STK32B: variants seen among roughly 807,000 people sequenced by gnomAD.
The protein encoded by STK32B is serine/threonine-protein kinase 32B.
STK32B carries 43 observed loss-of-function variants against 52.6 expected under a neutral mutation model. The observed-to-expected ratio is 0.82, with a 90% CI of 0.64 to 1.05. STK32B has a LOEUF of 1.05. STK32B is among the 50% of genes least tolerant of loss of function. STK32B has a pLI of 0.00. For synonymous variants in STK32B, 238 were observed against 204.3 expected (o/e 1.17, Z -1.41); for missense variants, 621 against 534.6 (o/e 1.16, Z -1.59).
Position 5,168,333 on chromosome 4 carries a change from T to C in STK32B, c.143T>C (p.Met48Thr), listed in dbSNP as rs776205066. The change falls in exon 3 of 12, where the codon ATG becomes ACG. Residue 48 changes from methionine to threonine, a missense_variant. Physicochemically the swap from Met to Thr is moderately conservative, Grantham distance 81. Transcript: ENST00000282908. ...GTGCAGAAGCGAGACACTAAGAAAA[T>C]GTATGCAATGAAGTACATGAACAAG... Reference protein sequence around the residue: ...CIVQKRDTKKMYAMKYMNKQK... With the variant: ...CIVQKRDTKKTYAMKYMNKQK... 1 of 1,613,724 alleles carries C rather than the reference T, an allele frequency of 6.2e-7. No individual in the cohort carries two copies. The highest frequency in any genetic ancestry group is 8.5e-7 in the Non-Finnish European group (1 of 1,179,954).
intron 3 of STK32B, among the ~76,000 whole-genome samples, chr4:5,178,430 T>C (rs1357669729): frequency 6.6e-6 from 1 of 152,222 alleles, no homozygotes; most frequent in African/African-American, 2.4e-5. Flanking sequence ...TGGGAGGGGC[T>C]GCTGTGAAGG....
rs558806068 is a variant in STK32B at position 5,286,031 on chromosome 4, G to A, written c.261-45189G>A. ...AGAGACACAGAGGGAGGATCATTAT[G>A]TGGTGAGAAGACGGCCGTCTACAAG... On this transcript the variant is annotated intron_variant, in intron 3 of 11. Coordinates refer to ENST00000282908, the MANE Select transcript of STK32B (RefSeq NM_018401.3). 3.3e-5 allele frequency among the ~76,000 whole-genome samples: 5 copies of A among 152,206 alleles called. No individual in the cohort carries two copies. In the East Asian group the frequency reaches 9.7e-4, roughly 29 times the overall value.
intron 4 of STK32B, among the ~76,000 whole-genome samples, chr4:5,393,982 C>G (rs1560377728): frequency 6.6e-6 from 1 of 152,172 alleles, no homozygotes; most frequent in Non-Finnish European, 1.5e-5. Context: ...CTTAGTCTAG[C>G]TTTCCCCTCC....
intron 4 of STK32B, among the ~76,000 whole-genome samples, chr4:5,361,234 C>T (rs910466832): frequency 6.6e-6 from 1 of 152,178 alleles, no homozygotes; most frequent in Non-Finnish European, 1.5e-5. Flanking sequence ...GGACACTTGG[C>T]TTGCTCCCAC....
chr4:5,147,441 C>T (rs1410905977), intron 2 of STK32B, among the ~76,000 whole-genome samples: 2 of 152,042 alleles, frequency 1.3e-5, no homozygotes, highest in South Asian at 4.1e-4. Flanking sequence ...ATTGCAGTAG[C>T]TAAAACCCTC....
At chr4:5,301,239 T>A (rs1394563857) in intron 3 of STK32B, among the ~76,000 whole-genome samples, 1 of 152,052 alleles carries the variant, frequency 6.6e-6, no homozygotes, top group Non-Finnish European at 1.5e-5. Context: ...GTAGTTTTCT[T>A]TCTTATGATG....
chr4:5,383,998 C>T (rs1020784723), intron 4 of STK32B, among the ~76,000 whole-genome samples: 3 of 152,056 alleles, frequency 2.0e-5, no homozygotes, highest in African/African-American at 4.8e-5. Flanking sequence ...GGGAGCTGGG[C>T]GATCATCACA....
intron 3 of STK32B, among the ~76,000 whole-genome samples, chr4:5,197,544 T>C (rs1320701826): frequency 6.6e-6 from 1 of 152,236 alleles, no homozygotes; most frequent in Non-Finnish European, 1.5e-5. Flanking sequence ...CTTAGTTCCT[T>C]ATTTATCTCC....
At chr4:5,202,732 C>T (rs1722252856) in intron 3 of STK32B, among the ~76,000 whole-genome samples, 1 of 152,246 alleles carries the variant, frequency 6.6e-6, no homozygotes, top group South Asian at 2.1e-4. Context: ...TTGGGGCTGG[C>T]ACCCTCTAAA....
chr4:5,379,477 A>G (rs111960651), intron 4 of STK32B, among the ~76,000 whole-genome samples: 1,737 of 152,212 alleles, frequency 0.011, 33 homozygotes, highest in African/African-American at 0.038. Context: ...TCTCCACATA[A>G]AAGTCCTGTG....
chr4:5,215,349 C>G (rs1216178895), intron 3 of STK32B, among the ~76,000 whole-genome samples: 1 of 152,120 alleles, frequency 6.6e-6, no homozygotes, highest in Non-Finnish European at 1.5e-5. Flanking sequence ...AATCAGATAT[C>G]ACATCTGATT....
intron 3 of STK32B, among the ~76,000 whole-genome samples, chr4:5,246,467 C>T (rs569930144): frequency 2.6e-5 from 4 of 152,248 alleles, no homozygotes; most frequent in South Asian, 4.1e-4. Flanking sequence ...TCTAGTTATC[C>T]ATTTGTCTAA....
At chr4:5,430,534 A>G (rs1342094499) in intron 6 of STK32B, among the ~76,000 whole-genome samples, 1 of 152,184 alleles carries the variant, frequency 6.6e-6, no homozygotes, top group Non-Finnish European at 1.5e-5. Context: ...TCTGACATCT[A>G]GTTCATATCT....
intron 2 of STK32B, among the ~76,000 whole-genome samples, chr4:5,164,158 T>C (rs1419359868): frequency 6.6e-6 from 1 of 152,218 alleles, no homozygotes; most frequent in Non-Finnish European, 1.5e-5. Context: ...GGAAATTTAT[T>C]ATCTTACAGT....
chr4:5,386,222 T>C lies in STK32B; in HGVS notation c.435-11985T>C, dbSNP rs1736248915. ...CTCCCCCTCTATTTCCCTCAGCGTA[T>C]CATATTATGCAGTTTTATCTTTGAC... On this transcript the variant is annotated intron_variant, in intron 4 of 11. Transcript: ENST00000282908. The surrounding 1 kb of genome is among the most constrained non-coding windows in gnomAD (Gnocchi z 4.5). 6.6e-6 allele frequency among the ~76,000 whole-genome samples: 1 copy of C among 152,026 alleles called. No individual in the cohort carries two copies. Among genetic ancestry groups the C allele is most frequent in the African/African-American group, 2.4e-5 (1 of 41,372 alleles).
At chr4:5,445,540 C>T (rs555745837) in intron 6 of STK32B, among the ~76,000 whole-genome samples, 1 of 152,248 alleles carries the variant, frequency 6.6e-6, no homozygotes, top group South Asian at 2.1e-4. Context: ...AGATAACCCA[C>T]CACTCAGCCC....
chr4:5,091,466 A>G (rs1713076537), intron 1 of STK32B, among the ~76,000 whole-genome samples: 1 of 152,198 alleles, frequency 6.6e-6, no homozygotes, highest in Non-Finnish European at 1.5e-5. Context: ...CAATAAACAC[A>G]TGAAAAGATG....
At chr4:5,025,207 A>T in the STK32B span, among the ~76,000 whole-genome samples, 1 of 152,152 alleles carries the variant, frequency 6.6e-6, no homozygotes, top group African/African-American at 2.4e-5. Context: ...GCCGTGGTCC[A>T]TAGACCAGCA....
In STK32B at chr4:5,051,502, C is replaced by A. The variant is rs1021054764; in HGVS notation, c.-362C>A. The A allele has an allele frequency of 2.5e-3, 741 of 299,774 alleles. 9 individuals carry two copies. The highest frequency in any genetic ancestry group is 4.4e-4 in the Non-Finnish European group (72 of 164,080). The allele number at this position is 299,774 out of a possible 1,614,324, so 18.6% of individuals were successfully genotyped here. A position where few individuals can be genotyped will look rare whatever the true frequency, so the allele number is the denominator to read the frequency against. ...CTCCTTCCCCTCCTTCCCCTGCTCC[C>A]GCGCCGCCTCGCGTCTCCCGCCCGC... On this transcript the variant is annotated 5_prime_UTR_variant, in exon 1 of 12. Coordinates refer to ENST00000282908, the MANE Select transcript of STK32B (RefSeq NM_018401.3).
Sources: gnomAD v4.1 joint callset for allele counts (sites outside exome capture counted in the v4.1 genomes callset) on GRCh38, gnomAD v4.1.1 for gene constraint, Gnocchi (gnomAD v3.1) non-coding constraint, MANE v1.5 for transcripts, NCBI Gene and HGNC (gene_info 2026-07-23, HGNC 2026-07-21) for gene names.